The following LRP1B variants were observed in gnomAD, a reference collection of about 807,000 sequenced individuals.
The protein encoded by LRP1B is low-density lipoprotein receptor-related protein 1B.
A neutral mutation model predicts 556.6 loss-of-function variants in LRP1B; 217 were observed. The ratio of observed to expected loss-of-function variants is 0.39; its 90% CI spans 0.35 to 0.44. The LOEUF (loss-of-function observed/expected upper bound fraction) is 0.44, where lower values mean the gene tolerates loss of function less well. LRP1B is among the 20% of genes least tolerant of loss of function. The pLI is 1.00. For synonymous variants in LRP1B, 2,047 were observed against 1,865.8 expected, an observed-to-expected ratio of 1.10 and a Z score of -2.50; for missense variants, 5,053 against 5,620.8, an observed-to-expected ratio of 0.90 and a Z score of 3.23.
At chr2:141,217,454 G>A (rs539884897) in intron 6 of LRP1B, among the ~76,000 whole-genome samples, 66 of 152,118 alleles carry the variant, frequency 4.3e-4, no homozygotes, top group Middle Eastern at 6.8e-3. Flanking sequence ...CTAACTCAAC[G>A]GAAAAAGGTG....
At chr2:140,935,925 T>C (rs1206853275) in intron 20 of LRP1B, among the ~76,000 whole-genome samples, 1 of 151,630 alleles carries the variant, frequency 6.6e-6, no homozygotes, top group African/African-American at 2.4e-5. Context: ...TGTGATATGT[T>C]AAGTGTATAT....
chr2:140,920,626 A>G (rs1219697674), intron 21 of LRP1B, among the ~76,000 whole-genome samples: 4 of 152,044 alleles, frequency 2.6e-5, no homozygotes, highest in African/African-American at 4.8e-5. Context: ...AATGACTGCA[A>G]TGTTCATTGA....
chr2:140,805,047 G>T (rs1198248112), intron 32 of LRP1B, among the ~76,000 whole-genome samples: 1 of 151,996 alleles, frequency 6.6e-6, no homozygotes, highest in African/African-American at 2.4e-5. Context: ...GAGCTCATTT[G>T]GTTCACATTG....
chr2:140,933,614 C>A (rs1695118088), intron 20 of LRP1B, among the ~76,000 whole-genome samples: 1 of 151,964 alleles, frequency 6.6e-6, no homozygotes, highest in African/African-American at 2.4e-5. Flanking sequence ...TTAATTATAT[C>A]TTTAACAAAA....
At chr2:140,684,194 T>C (rs1171510229) in intron 41 of LRP1B, among the ~76,000 whole-genome samples, 1 of 152,244 alleles carries the variant, frequency 6.6e-6, no homozygotes, top group African/African-American at 2.4e-5. Context: ...GGCTTCTATG[T>C]ACAAATGCAT....
chr2:141,991,361 A>G (rs1330462586), intron 1 of LRP1B, among the ~76,000 whole-genome samples: 1 of 152,034 alleles, frequency 6.6e-6, no homozygotes, highest in Admixed American at 6.6e-5. Flanking sequence ...TTAACATAGA[A>G]AATTCCACGT....
At chr2:141,305,727 G>C (rs936635670) in intron 3 of LRP1B, among the ~76,000 whole-genome samples, 1 of 152,152 alleles carries the variant, frequency 6.6e-6, no homozygotes, top group Non-Finnish European at 1.5e-5. Flanking sequence ...CTCTGGGTTT[G>C]TTATACACAG....
chr2:140,292,224 G>T (rs1683417659), intron 84 of LRP1B, among the ~76,000 whole-genome samples: 1 of 152,084 alleles, frequency 6.6e-6, no homozygotes, highest in African/African-American at 2.4e-5. Context: ...TGCAAATTTG[G>T]ACTAATAGTA....
intron 53 of LRP1B, among the ~76,000 whole-genome samples, chr2:140,505,837 C>A (rs1432887415): frequency 6.6e-6 from 1 of 152,132 alleles, no homozygotes; most frequent in Non-Finnish European, 1.5e-5. Flanking sequence ...AAGTTCACAG[C>A]TTTTCATTAC....
intron 35 of LRP1B, among the ~76,000 whole-genome samples, chr2:140,742,379 CATT>C (rs1688171015): frequency 6.6e-6 from 1 of 152,110 alleles, no homozygotes; most frequent in African/African-American, 2.4e-5. Flanking sequence ...AAAAGTCAAT[CATT>C]ATTATCATTC....
chr2:141,061,745 A>C (rs1003611876), intron 8 of LRP1B, among the ~76,000 whole-genome samples: 3 of 151,818 alleles, frequency 2.0e-5, no homozygotes, highest in Non-Finnish European at 2.9e-5. Flanking sequence ...AGGCCATAAC[A>C]TCTGACCTAT....
chr2:141,232,204 A>T (rs1683496633), intron 5 of LRP1B, among the ~76,000 whole-genome samples: 1 of 152,012 alleles, frequency 6.6e-6, no homozygotes, highest in Non-Finnish European at 1.5e-5. Flanking sequence ...TACTTTTGTC[A>T]TTTTACTGTT....
At chr2:141,208,002 A>G (rs1310037917) in intron 6 of LRP1B, 1 of 151,128 alleles carries the variant, frequency 6.6e-6, no homozygotes, top group East Asian at 1.9e-4. Flanking sequence ...AAACAGATTT[A>G]TTTAAAGGTT....
At chr2:141,135,134 G>C (rs1210046723) in intron 7 of LRP1B, among the ~76,000 whole-genome samples, 1 of 151,644 alleles carries the variant, frequency 6.6e-6, no homozygotes. Flanking sequence ...TTCTAAGAGA[G>C]AATAGTGAAA....
chr2:141,939,443 G>A (rs751239921), intron 1 of LRP1B, among the ~76,000 whole-genome samples: 1 of 152,016 alleles, frequency 6.6e-6, no homozygotes, highest in Non-Finnish European at 1.5e-5. Context: ...CAGAAAAACT[G>A]GAAAAGGACA....
chr2:141,414,192 G>A (rs1486931741), intron 3 of LRP1B, among the ~76,000 whole-genome samples: 2 of 145,724 alleles, frequency 1.4e-5, no homozygotes, highest in East Asian at 2.0e-4. Flanking sequence ...AGCGGAGATA[G>A]CGCCACTGCA....
At chr2:140,313,376 T>C (rs1684389218) in intron 83 of LRP1B, among the ~76,000 whole-genome samples, 1 of 151,652 alleles carries the variant, frequency 6.6e-6, no homozygotes, top group Admixed American at 6.6e-5. Context: ...TTTAGACAAA[T>C]GATTTGAACA....
chr2:141,686,606 G>C (rs1415654641), intron 2 of LRP1B, among the ~76,000 whole-genome samples: 1 of 151,892 alleles, frequency 6.6e-6, no homozygotes, highest in Non-Finnish European at 1.5e-5. Flanking sequence ...TCTGAATCTG[G>C]AGGGAAAAGA....
chr2:140,914,272 T>G (rs1200103943), intron 21 of LRP1B, among the ~76,000 whole-genome samples: 2 of 152,032 alleles, frequency 1.3e-5, no homozygotes, highest in African/African-American at 2.4e-5. Flanking sequence ...CCTTAGGTTA[T>G]GAGATGTGAG....
Sources: allele counts gnomAD v4.1 joint callset (sites outside exome capture counted in the v4.1 genomes callset), GRCh38; gene constraint gnomAD v4.1.1; transcripts MANE v1.5; gene names NCBI Gene and HGNC (gene_info 2026-07-23, HGNC 2026-07-21).